Variants in SEC14L1 observed in about 807,000 individuals in gnomAD.
SEC14L1 encodes SEC14 like lipid binding 1, also known as SEC14-like protein 1.
SEC14L1 carries 48 observed loss-of-function variants against 85.3 expected under a neutral mutation model. The ratio of observed to expected loss-of-function variants is 0.56; its 90% confidence interval spans 0.45 to 0.72. The LOEUF is 0.72. Ranked by LOEUF, SEC14L1 falls within the 30% of genes least tolerant of loss-of-function variation. SEC14L1 has a pLI of 0.00. For missense variants in SEC14L1, 682 were observed against 921.4 expected (o/e 0.74, Z 3.36); for synonymous variants, 391 against 355.5 (o/e 1.10, Z -1.12).
intron 3 of SEC14L1, among the ~76,000 whole-genome samples, chr17:77,095,614 C>T (rs1217927565): frequency 2.0e-5 from 3 of 152,042 alleles, no homozygotes; most frequent in African/African-American, 7.2e-5. Context: ...GTCAGGAGTT[C>T]GAAAGCAGCC....
At chr17:77,097,451 C>A (rs1027639299) in intron 3 of SEC14L1, among the ~76,000 whole-genome samples, 2 of 152,212 alleles carry the variant, frequency 1.3e-5, no homozygotes, top group Non-Finnish European at 2.9e-5. Context: ...GTAATCCCAA[C>A]TACTCGGGAG....
chr17:77,187,775 T>TA (rs1274415019), intron 3 of SEC14L1, among the ~76,000 whole-genome samples: 1 of 151,130 alleles, frequency 6.6e-6, no homozygotes, highest in Non-Finnish European at 1.5e-5. Context: ...GTCTTACTCT[T>TA]ACTCTGTTAC....
intron 3 of SEC14L1, among the ~76,000 whole-genome samples, chr17:77,105,409 A>AGGT (rs1170461768): frequency 8.6e-6 from 1 of 116,630 alleles, no homozygotes; most frequent in African/African-American, 3.3e-5. Flanking sequence ...GAGTTCAAGG[A>AGGT]GGTCCCATTT....
chr17:77,103,196 T>C (rs1394793267), intron 3 of SEC14L1, among the ~76,000 whole-genome samples: 1 of 151,948 alleles, frequency 6.6e-6, no homozygotes, highest in African/African-American at 2.4e-5. Flanking sequence ...CACTGTAACC[T>C]CTGCCTCCCA....
intron 3 of SEC14L1, among the ~76,000 whole-genome samples, chr17:77,152,996 T>C (rs796783031): frequency 1.4e-4 from 22 of 152,340 alleles, no homozygotes; most frequent in African/African-American, 4.8e-4. Context: ...TTACAGCAAA[T>C]AGGCTGTAAG....
rs1193286854 is a variant in SEC14L1, at chr17:77,169,557, G to A, written c.64-21246G>A. 3.3e-5 allele frequency among the ~76,000 whole-genome samples: 5 copies of A among 152,216 alleles called. No individual in the cohort carries two copies. The South Asian group carries it at 8.3e-4, about 25-fold the overall frequency. On this transcript the variant is annotated intron_variant, in intron 3 of 16. Coordinates refer to ENST00000436233, the MANE Select transcript of SEC14L1 (RefSeq NM_001143998.2). ...AGAATATTTAATCCATTCCAGCCAG[G>A]CATTCGCATCTTGGTATCCTGTTCT...
intron 9 of SEC14L1, among the ~76,000 whole-genome samples, chr17:77,202,292 C>A (rs1976189759): frequency 1.3e-5 from 2 of 152,150 alleles, no homozygotes; most frequent in Middle Eastern, 3.4e-3. Context: ...TCAAGACTAG[C>A]CTGGGCAACA....
At chr17:77,197,886 G>T (rs113404069) in intron 8 of SEC14L1, among the ~76,000 whole-genome samples, 1 of 152,208 alleles carries the variant, frequency 6.6e-6, no homozygotes. Context: ...GATTACAGGC[G>T]TGAGCCACTG....
intron 3 of SEC14L1, among the ~76,000 whole-genome samples, chr17:77,145,733 G>T (rs1234471118): frequency 1.3e-5 from 2 of 152,188 alleles, no homozygotes; most frequent in African/African-American, 4.8e-5. Context: ...GGGAATTCGA[G>T]CTGGGATGGG....
chr17:77,135,268 A>C (rs1042600988), intron 3 of SEC14L1, among the ~76,000 whole-genome samples: 1 of 152,116 alleles, frequency 6.6e-6, no homozygotes, highest in Admixed American at 6.5e-5. Context: ...AGTTCTTTAG[A>C]ATTCTGCTCT....
intron 3 of SEC14L1, 63 bp downstream of exon 3, chr17:77,143,722 TTGA>T: frequency 1.7e-6 from 2 of 1,195,218 alleles, no homozygotes; most frequent in Non-Finnish European, 2.5e-6. Context: ...GTGTTAGAAT[TTGA>T]TGATCTATAG....
chr17:77,203,721 G>A, intron 10 of SEC14L1, 63 bp downstream of exon 10: 2 of 1,284,914 alleles, frequency 1.6e-6, no homozygotes, highest in Non-Finnish European at 2.2e-6. Flanking sequence ...TCTGCCAGTA[G>A]GATTGGGGTG....
chr17:77,143,031 A>G (rs972053476), intron 2 of SEC14L1, among the ~76,000 whole-genome samples: 1 of 152,260 alleles, frequency 6.6e-6, no homozygotes, highest in African/African-American at 2.4e-5. Flanking sequence ...GTACACAGTT[A>G]GAAAATAGGA....
At chr17:77,196,730 G>A (rs1230318923) in intron 8 of SEC14L1, among the ~76,000 whole-genome samples, 1 of 152,180 alleles carries the variant, frequency 6.6e-6, no homozygotes, top group African/African-American at 2.4e-5. Flanking sequence ...GTAGTGAGCA[G>A]AGCCTGGTAT....
chr17:77,212,176 T>G lies in SEC14L1; in HGVS notation c.1838T>G (p.Ile613Ser), dbSNP rs774644762. ...TACAGCATGGTGGAGTCGCCTCTGA[T>G]CTGCAAAGAAGGAGAAAGCGTGCAG... ...RDYSMVESPL[I>S]CKEGESVQGS... Residue 613 changes from isoleucine (I) to serine (S), a missense_variant, in exon 15 of 17, where the codon ATC becomes AGC. By Grantham distance (142) the Ile-to-Ser change is moderately radical. Coordinates refer to ENST00000436233, the MANE Select transcript of SEC14L1 (RefSeq NM_001143998.2). The G allele has an allele frequency of 1.9e-6, 3 of 1,613,888 alleles. No individual in the cohort carries two copies. In the South Asian group the frequency reaches 3.3e-5, roughly 18 times the overall value.
At chr17:77,149,887 C>T (rs1368576722) in intron 3 of SEC14L1, among the ~76,000 whole-genome samples, 2 of 145,210 alleles carry the variant, frequency 1.4e-5, no homozygotes, top group East Asian at 2.0e-4. Flanking sequence ...TTTTCGTAAA[C>T]GTTGCAAAAC....
intron 3 of SEC14L1, among the ~76,000 whole-genome samples, chr17:77,107,201 A>G (rs1016058405): frequency 6.6e-6 from 1 of 152,080 alleles, no homozygotes; most frequent in African/African-American, 2.4e-5. Context: ...ACTCACTTCC[A>G]CTTCAGGACC....
At chr17:77,105,956 C>G (rs1276157517) in intron 3 of SEC14L1, among the ~76,000 whole-genome samples, 1 of 150,534 alleles carries the variant, frequency 6.6e-6, no homozygotes, top group Non-Finnish European at 1.5e-5. Context: ...TTGAGAGATT[C>G]TGTTTTTAAG....
chr17:77,214,571 C>T lies in SEC14L1; in HGVS notation c.*548C>T, dbSNP rs371855224. 1,307 of 989,088 alleles carry T rather than the reference C, an allele frequency of 1.3e-3. 24 individuals are homozygous for T. In the South Asian group the frequency reaches 0.033, roughly 25 times the overall value. 61.3% of individuals were successfully genotyped at this position (989,088 alleles called of 1,614,324 possible). A position where few individuals can be genotyped will look rare whatever the true frequency, so the allele number is the denominator to read the frequency against. ...TTATCCTCTGAGGATTCAGAGGTTG[C>T]CTGCGGAGTACCTTGTCCCAGGGCC... On this transcript the variant is annotated 3_prime_UTR_variant, in exon 17 of 17. Transcript: ENST00000436233.
Sources: allele counts gnomAD v4.1 joint callset (sites outside exome capture counted in the v4.1 genomes callset), GRCh38; gene constraint gnomAD v4.1.1; transcripts MANE v1.5; gene names NCBI Gene and HGNC (gene_info 2026-07-23, HGNC 2026-07-21).